The following UXS1 variants were observed in gnomAD, a reference collection of about 807,000 sequenced individuals.
The protein encoded by UXS1 is UDP-glucuronic acid decarboxylase 1.
Under a neutral mutation model 62.6 loss-of-function variants are expected in UXS1, and 33 were observed. That is an observed-to-expected ratio of 0.53 (90% CI 0.40 to 0.70). The LOEUF (loss-of-function observed/expected upper bound fraction) is 0.70, where lower values mean the gene tolerates loss of function less well. Among genes scored for constraint, UXS1 ranks in the 30% least tolerant of loss-of-function variants. UXS1 has a pLI of 0.00. For missense variants in UXS1, 434 were observed against 556.3 expected, an observed-to-expected ratio of 0.78 and a Z score of 2.21; for synonymous variants, 213 against 206.8, an observed-to-expected ratio of 1.03 and a Z score of -0.26.
At chr2:106,138,143 A>T in intron 6 of UXS1, 1 of 984,340 alleles carries the variant, frequency 1.0e-6, no homozygotes, top group Non-Finnish European at 1.2e-6. Flanking sequence ...CCTCTCCGAC[A>T]TCAAACAGAA....
intron 1 of UXS1, among the ~76,000 whole-genome samples, chr2:106,177,796 C>T (rs1451648789): frequency 6.6e-6 from 1 of 152,128 alleles, no homozygotes; most frequent in Non-Finnish European, 1.5e-5. Flanking sequence ...CATAAGCCAC[C>T]CTGTCTGTGG....
At chr2:106,096,320 ATGAG>A (rs1467807329) in intron 14 of UXS1, among the ~76,000 whole-genome samples, 2 of 151,494 alleles carry the variant, frequency 1.3e-5, no homozygotes, top group Non-Finnish European at 3.0e-5. Flanking sequence ...ATGTGTGAAA[ATGAG>A]TGTGTGTGAG....
intron 10 of UXS1, among the ~76,000 whole-genome samples, chr2:106,108,845 C>G (rs910166773): frequency 3.9e-5 from 6 of 152,178 alleles, no homozygotes; most frequent in Admixed American, 6.5e-5. Context: ...AAACTTCGTT[C>G]AGCCTCGAGT....
chr2:106,164,782 G>C lies in UXS1; in HGVS notation c.140C>G (p.Ser47Cys). The stretch of plus-strand genomic sequence containing the variant: ...TTTTAGTTCACCATTTTCCTGGATA[G>C]ACCTGTTGAGTAGAAAGCTATAAAA... ...FVNMSFLLNRSIQENGELKIE... is the reference protein window; with the variant it reads ...FVNMSFLLNRCIQENGELKIE... Residue 47 changes from serine to cysteine, a missense_variant, in exon 3 of 15, where the codon TCT becomes TGT. By Grantham distance (112) the Ser-to-Cys change is moderately radical. Coordinates refer to ENST00000283148, the MANE Select transcript of UXS1 (RefSeq NM_001253875.2). The C allele has an allele frequency of 6.3e-7, 1 of 1,590,412 alleles. No homozygotes were observed. The highest frequency in any genetic ancestry group is 1.2e-5 in the South Asian group (1 of 86,866).
intron 10 of UXS1, among the ~76,000 whole-genome samples, chr2:106,110,254 C>A (rs1335693504): frequency 6.6e-6 from 1 of 152,186 alleles, no homozygotes; most frequent in Non-Finnish European, 1.5e-5. Context: ...CAGTCATGGA[C>A]GGCTCCAGAG....
At position 106,096,802 on chromosome 2, in the gene UXS1, C is replaced by A. The variant is rs1325202386; in HGVS notation, c.1062G>T (p.Gln354His). Residue 354 changes from glutamine to histidine, a missense_variant, in exon 14 of 15, where the codon CAG becomes CAT. By Grantham distance (24) the Gln-to-His change is conservative (BLOSUM62 0). Around this residue, in one of 3 missense-constraint regions of UXS1, gnomAD observed 209 missense variants for 233.3 expected, o/e 0.90. Transcript: ENST00000283148. Reference protein sequence around the residue: ...KNLVGSGSEIQFLSEAQDDPQ... With the variant: ...KNLVGSGSEIHFLSEAQDDPQ... ...GGTCATCCTGGGCTTCGGAGAGAAA[C>A]TGAATTTCACTTCCGCTACCTGAGA... 2 of 1,589,308 alleles carry A rather than the reference C, an allele frequency of 1.3e-6. No homozygotes were observed. The highest frequency in any genetic ancestry group is 1.7e-6 in the Non-Finnish European group (2 of 1,166,344).
chr2:106,143,408 C>CAGAAAAAA (rs1681295841), intron 6 of UXS1, among the ~76,000 whole-genome samples: 1 of 38,634 alleles, frequency 2.6e-5, no homozygotes, highest in African/African-American at 1.2e-4. Flanking sequence ...GACTCCGTCT[C>CAGAAAAAA]AAAAAAAAAA....
chr2:106,186,301 G>A (rs183678306), intron 1 of UXS1, among the ~76,000 whole-genome samples: 1 of 152,228 alleles, frequency 6.6e-6, no homozygotes, highest in Admixed American at 6.5e-5. Context: ...GTGTCAAGTG[G>A]GACCAGCCCA....
intron 4 of UXS1, chr2:106,159,303 C>G (rs910962079): frequency 6.6e-6 from 1 of 152,178 alleles, no homozygotes; most frequent in Non-Finnish European, 1.5e-5. Context: ...TCCACAAGAG[C>G]GAGAAGAGAT....
intron 10 of UXS1, among the ~76,000 whole-genome samples, chr2:106,110,510 C>T (rs1459580138): frequency 1.3e-5 from 2 of 152,194 alleles, no homozygotes; most frequent in African/African-American, 2.4e-5. Context: ...AGGCACCAGG[C>T]TGTCCTCGAG....
At chr2:106,096,204 GTA>G (rs1398173809) in intron 14 of UXS1, among the ~76,000 whole-genome samples, 6 of 149,462 alleles carry the variant, frequency 4.0e-5, no homozygotes, top group South Asian at 2.1e-4. Context: ...GTGTGTGTGT[GTA>G]TGTATGTGGG....
intron 5 of UXS1, among the ~76,000 whole-genome samples, chr2:106,151,481 GTCTC>G (rs1225538716): frequency 1.3e-5 from 2 of 152,120 alleles, no homozygotes; most frequent in Non-Finnish European, 2.9e-5. Context: ...GGTCCCCTTT[GTCTC>G]TCTCATCCAC....
intron 1 of UXS1, among the ~76,000 whole-genome samples, chr2:106,170,308 C>T (rs1324175598): frequency 1.3e-5 from 2 of 152,188 alleles, no homozygotes; most frequent in African/African-American, 4.8e-5. Context: ...CTTCAACCTT[C>T]CCTCCTGCTC....
chr2:106,096,681 C>A, intron 14 of UXS1, 37 bp downstream of exon 14: 1 of 1,515,680 alleles, frequency 6.6e-7, no homozygotes, highest in Non-Finnish European at 8.9e-7. Context: ...CACGGGAGGC[C>A]CCTCCCCACA....
chr2:106,160,998 G>A (rs145644201), intron 4 of UXS1, among the ~76,000 whole-genome samples: 37 of 152,288 alleles, frequency 2.4e-4, no homozygotes, highest in African/African-American at 8.4e-4. Flanking sequence ...AGGGGAGAGT[G>A]CCTGTGGGGT....
chr2:106,192,543 G>A (rs1230467201), intron 1 of UXS1, among the ~76,000 whole-genome samples: 6 of 127,050 alleles, frequency 4.7e-5, no homozygotes, highest in African/African-American at 1.5e-4. Context: ...TGAACAGAGC[G>A]AGACTCCGTC....
intron 1 of UXS1, among the ~76,000 whole-genome samples, chr2:106,178,455 T>C (rs1280880982): frequency 1.3e-5 from 2 of 152,066 alleles, no homozygotes; most frequent in Admixed American, 1.3e-4. Context: ...TATATGTATG[T>C]GTGTGTATAT....
chr2:106,173,582 C>T (rs970671176), intron 1 of UXS1, among the ~76,000 whole-genome samples: 1 of 152,110 alleles, frequency 6.6e-6, no homozygotes, highest in Non-Finnish European at 1.5e-5. Context: ...CCACAAAACT[C>T]TATTAAAAGA....
intron 7 of UXS1, among the ~76,000 whole-genome samples, chr2:106,126,042 T>C (rs1305270789): frequency 6.6e-6 from 1 of 152,158 alleles, no homozygotes; most frequent in Non-Finnish European, 1.5e-5. Context: ...GGCCCTTTTC[T>C]CCTTAACTTC....
Sources: gnomAD v4.1 joint callset for allele counts (sites outside exome capture counted in the v4.1 genomes callset) on GRCh38, gnomAD v4.1.1 for gene constraint, gnomAD v4.1.1 regional missense constraint, MANE v1.5 for transcripts, NCBI Gene and HGNC (gene_info 2026-07-23, HGNC 2026-07-21) for gene names.